The following VPS37A variants were observed in gnomAD, a reference collection of about 807,000 sequenced individuals.
VPS37A encodes VPS37A subunit of ESCRT-I.
A neutral mutation model predicts 49.8 loss-of-function variants in VPS37A; 30 were observed. The observed-to-expected ratio is 0.60, with a 90% CI of 0.45 to 0.82. VPS37A has a LOEUF of 0.82. Ranked by LOEUF, VPS37A falls within the 40% of genes least tolerant of loss-of-function variation. VPS37A has a pLI of 0.00. For synonymous variants in VPS37A, 195 were observed against 160.6 expected (o/e 1.21, Z -1.62); for missense variants, 593 against 464.4 (o/e 1.28, Z -2.55).
At chr8:17,256,137 CCTCCATACTGTT>C (rs778237199) in intron 1 of VPS37A, among the ~76,000 whole-genome samples, 194 of 151,672 alleles carry the variant, frequency 1.3e-3, no homozygotes, top group Non-Finnish European at 2.1e-3. Flanking sequence ...TTTTGAGGAA[CCTCCATACTGTT>C]CTCCATAGCA....
chr8:17,293,782 C>G (rs1199096817), intron 11 of VPS37A, among the ~76,000 whole-genome samples: 1 of 152,220 alleles, frequency 6.6e-6, no homozygotes, highest in African/African-American at 2.4e-5. Flanking sequence ...CCAGCGGAGG[C>G]TGCAGAACAG....
At chr8:17,307,550 G>A in the VPS37A span, among the ~76,000 whole-genome samples, 4 of 152,136 alleles carry the variant, frequency 2.6e-5, no homozygotes, top group Non-Finnish European at 4.4e-5. Context: ...ATACCCAAAG[G>A]ATTATAAATC....
chr8:17,272,945 T>G (rs4922276), intron 4 of VPS37A, among the ~76,000 whole-genome samples: 1 of 151,852 alleles, frequency 6.6e-6, no homozygotes, highest in South Asian at 2.1e-4. Flanking sequence ...CTGAGCTGTT[T>G]TATTCATCTA....
the VPS37A span, among the ~76,000 whole-genome samples, chr8:17,311,003 GAAC>G: frequency 2.0e-5 from 3 of 152,118 alleles, no homozygotes; most frequent in South Asian, 2.1e-4. Context: ...TTTCAGCAAA[GAAC>G]AACAACAAAA....
intron 1 of VPS37A, among the ~76,000 whole-genome samples, chr8:17,253,039 C>T (rs560800787): frequency 1.3e-5 from 2 of 152,144 alleles, no homozygotes; most frequent in Non-Finnish European, 2.9e-5. Context: ...CGCAATAAAG[C>T]ATGGTACCAT....
intron 11 of VPS37A, among the ~76,000 whole-genome samples, chr8:17,287,321 A>G (rs1275154617): frequency 1.3e-5 from 2 of 152,102 alleles, no homozygotes; most frequent in Non-Finnish European, 2.9e-5. Flanking sequence ...AGCTCTTCTC[A>G]CACCTTTTTT....
intron 9 of VPS37A, among the ~76,000 whole-genome samples, chr8:17,281,720 C>T (rs1224906039): frequency 6.6e-6 from 1 of 151,906 alleles, no homozygotes; most frequent in Non-Finnish European, 1.5e-5. Context: ...ATCAAAAATT[C>T]TAGAGAACTG....
the VPS37A span, among the ~76,000 whole-genome samples, chr8:17,325,032 G>A: frequency 0.39 from 59,857 of 151,904 alleles, 13,244 homozygotes; most frequent in African/African-American, 0.6. Context: ...AAAGGGCTGA[G>A]TCCATCTTCC....
chr8:17,297,278 C>A lies in VPS37A; in HGVS notation c.*2292C>A, dbSNP rs1216269648. ...AAATAGAAGAAAATTCTAAATCAAT[C>A]AATCAGTGAGATATAAACTAAACAG... On this transcript the variant is annotated 3_prime_UTR_variant, in exon 12 of 12. Coordinates refer to ENST00000324849, the MANE Select transcript of VPS37A (RefSeq NM_152415.3). 6.6e-6 allele frequency: 1 copy of A among 151,990 alleles called. No individual in the cohort carries two copies. The highest frequency in any genetic ancestry group is 1.5e-5 in the Non-Finnish European group (1 of 67,948). The allele number at this position is 151,990 out of a possible 1,614,324, so 9.4% of individuals were successfully genotyped here.
chr8:17,256,076 C>T (rs1256332817), intron 1 of VPS37A, among the ~76,000 whole-genome samples: 1 of 151,562 alleles, frequency 6.6e-6, no homozygotes, highest in Non-Finnish European at 1.5e-5. Context: ...AATCATATGG[C>T]AGTTTCATTT....
chr8:17,309,238 T>G, the VPS37A span: 1 of 1,317,366 alleles, frequency 7.6e-7, no homozygotes, highest in South Asian at 1.2e-5. Flanking sequence ...AACAGTGCTT[T>G]TATTCTAAAC....
intron 11 of VPS37A, among the ~76,000 whole-genome samples, chr8:17,290,117 C>A (rs1815999134): frequency 6.6e-6 from 1 of 152,118 alleles, no homozygotes; most frequent in South Asian, 2.1e-4. Context: ...AGTGGGGTTT[C>A]CTAAATATAC....
the VPS37A span, among the ~76,000 whole-genome samples, chr8:17,322,001 G>C: frequency 7.2e-6 from 1 of 139,804 alleles, no homozygotes; most frequent in Non-Finnish European, 1.5e-5. Context: ...AATTGCTGGT[G>C]GGGTCAGTGA....
At chr8:17,278,219 G>A (rs1452545726) in intron 6 of VPS37A, among the ~76,000 whole-genome samples, 6 of 152,020 alleles carry the variant, frequency 3.9e-5, no homozygotes, top group Non-Finnish European at 7.4e-5. Flanking sequence ...CAGCAGTGAG[G>A]TCTGGTTGCC....
At chr8:17,304,038 A>C (rs1196975816), downstream of VPS37A, among the ~76,000 whole-genome samples, 1 of 152,238 alleles carries the variant, frequency 6.6e-6, no homozygotes, top group Non-Finnish European at 1.5e-5. Flanking sequence ...TTAACACGTC[A>C]TGATCACTGT....
intron 2 of VPS37A, among the ~76,000 whole-genome samples, chr8:17,266,995 A>G (rs1813526392): frequency 6.6e-6 from 1 of 151,602 alleles, no homozygotes; most frequent in African/African-American, 2.4e-5. Context: ...CTGGTCTCGA[A>G]CTCCTGACCT....
chr8:17,309,140 T>C, the VPS37A span: 2 of 632,480 alleles, frequency 3.2e-6, no homozygotes, highest in Non-Finnish European at 5.6e-6. Flanking sequence ...ATATGACATA[T>C]ACAACAAAAT....
intron 2 of VPS37A, among the ~76,000 whole-genome samples, chr8:17,267,151 A>G (rs550927053): frequency 3.4e-4 from 52 of 152,298 alleles, no homozygotes; most frequent in Non-Finnish European, 2.6e-4. Flanking sequence ...ACTGGGCTCC[A>G]AAGGCCATTT....
At chr8:17,248,238 C>G (rs1047967528) in intron 1 of VPS37A, 1 of 429,654 alleles carries the variant, frequency 2.3e-6, no homozygotes, top group African/African-American at 2.1e-5. Context: ...ATAAAGATGA[C>G]AACATTGTTA....
Sources: allele counts gnomAD v4.1 joint callset (sites outside exome capture counted in the v4.1 genomes callset), GRCh38; gene constraint gnomAD v4.1.1; transcripts MANE v1.5; gene names NCBI Gene and HGNC (gene_info 2026-07-23, HGNC 2026-07-21).